The following GPC5 variants were observed in gnomAD, a reference collection of about 807,000 sequenced individuals.
GPC5 encodes the protein glypican 5, also known as glypican-5.
In GPC5, 47 loss-of-function variants were observed where a neutral mutation model predicts 53.9. The ratio of observed to expected loss-of-function variants is 0.87; its 90% CI spans 0.69 to 1.11. GPC5 has a LOEUF of 1.11. Ranked by LOEUF, GPC5 falls within the 50% of genes most tolerant of loss-of-function variation. The pLI is 0.00. For missense variants in GPC5, 748 were observed against 713.1 expected (o/e 1.05, Z -0.56); for synonymous variants, 286 against 263.3 (o/e 1.09, Z -0.84).
At chr13:92,749,071 C>T (rs962213489) in intron 7 of GPC5, among the ~76,000 whole-genome samples, 3 of 152,130 alleles carry the variant, frequency 2.0e-5, no homozygotes, top group Admixed American at 2.0e-4. Context: ...TTTTGGAGTT[C>T]TTGGCCAGAC....
At chr13:91,635,424 T>C (rs1449057030) in intron 2 of GPC5, among the ~76,000 whole-genome samples, 1 of 152,122 alleles carries the variant, frequency 6.6e-6, no homozygotes. Flanking sequence ...AATACCCATG[T>C]ACTACTATGT....
chr13:91,842,388 A>C (rs1220531962), intron 5 of GPC5, among the ~76,000 whole-genome samples: 1 of 149,130 alleles, frequency 6.7e-6, no homozygotes, highest in Non-Finnish European at 1.5e-5. Context: ...AAGGAAACTC[A>C]CAGGGCAAAC....
intron 6 of GPC5, among the ~76,000 whole-genome samples, chr13:91,976,980 A>C (rs1436303455): frequency 6.6e-6 from 1 of 152,046 alleles, no homozygotes. Context: ...TGGAGGTTTC[A>C]GTGAACCAAG....
chr13:92,846,542 C>T (rs1413685916), intron 7 of GPC5, among the ~76,000 whole-genome samples: 1 of 152,124 alleles, frequency 6.6e-6, no homozygotes, highest in Non-Finnish European at 1.5e-5. Flanking sequence ...TGTATTTATG[C>T]ACTACAGAAT....
chr13:91,519,594 T>C (rs991882418), intron 2 of GPC5, among the ~76,000 whole-genome samples: 7 of 152,228 alleles, frequency 4.6e-5, no homozygotes, highest in African/African-American at 7.2e-5. Context: ...TGATTGTAAG[T>C]TCCCTGAGGC....
At chr13:92,539,512 G>C (rs1185154005) in intron 7 of GPC5, among the ~76,000 whole-genome samples, 3 of 151,784 alleles carry the variant, frequency 2.0e-5, no homozygotes, top group African/African-American at 7.3e-5. Context: ...TTTTTGATGG[G>C]GTTGTTTATT....
At chr13:91,713,969 C>G (rs1250946065) in intron 3 of GPC5, among the ~76,000 whole-genome samples, 1 of 152,156 alleles carries the variant, frequency 6.6e-6, no homozygotes, top group Non-Finnish European at 1.5e-5. Flanking sequence ...ACTGCCCTAT[C>G]CCATCCCATT....
At chr13:92,096,789 G>A (rs145722836) in intron 6 of GPC5, among the ~76,000 whole-genome samples, 3 of 152,256 alleles carry the variant, frequency 2.0e-5, no homozygotes, top group African/African-American at 4.8e-5. Context: ...GGTATACAGT[G>A]GCATTTAAAA....
At chr13:92,420,853 T>C (rs1876526381) in intron 7 of GPC5, among the ~76,000 whole-genome samples, 1 of 152,210 alleles carries the variant, frequency 6.6e-6, no homozygotes, top group Admixed American at 6.5e-5. Context: ...TAGCACTCCA[T>C]TGTATATATG....
chr13:92,586,638 C>T (rs1566306312), intron 7 of GPC5, among the ~76,000 whole-genome samples: 1 of 152,164 alleles, frequency 6.6e-6, no homozygotes, highest in African/African-American at 2.4e-5. Flanking sequence ...TTAAGCTTCA[C>T]ATTTATGGGT....
At chr13:92,309,019 TGA>T (rs2043129062) in intron 7 of GPC5, among the ~76,000 whole-genome samples, 1 of 152,070 alleles carries the variant, frequency 6.6e-6, no homozygotes, top group Non-Finnish European at 1.5e-5. Flanking sequence ...ATGTAAATAT[TGA>T]GCACATTCAT....
chr13:92,281,678 C>T (rs993848008), intron 7 of GPC5, among the ~76,000 whole-genome samples: 11 of 152,226 alleles, frequency 7.2e-5, no homozygotes, highest in African/African-American at 2.2e-4. Context: ...AGACCTGCAG[C>T]TGAGGGTCCT....
chr13:92,335,518 T>A (rs2043316109), intron 7 of GPC5, among the ~76,000 whole-genome samples: 1 of 152,146 alleles, frequency 6.6e-6, no homozygotes, highest in South Asian at 2.1e-4. Context: ...TGCTCCTCAT[T>A]ACCTATGCAA....
chr13:91,673,866 T>A (rs1361381160), intron 2 of GPC5, among the ~76,000 whole-genome samples: 1 of 152,198 alleles, frequency 6.6e-6, no homozygotes, highest in Non-Finnish European at 1.5e-5. Context: ...TCCTCTTCTT[T>A]TACTCTCGTG....
chr13:92,174,773 T>C (rs1389245604), intron 7 of GPC5, among the ~76,000 whole-genome samples: 2 of 152,128 alleles, frequency 1.3e-5, no homozygotes, highest in Non-Finnish European at 2.9e-5. Context: ...AATAGCGATG[T>C]CATAGAATTT....
chr13:91,480,669 A>G (rs1883250781), intron 2 of GPC5, among the ~76,000 whole-genome samples: 1 of 152,236 alleles, frequency 6.6e-6, no homozygotes, highest in Non-Finnish European at 1.5e-5. Flanking sequence ...ATATTTAAGA[A>G]TTGAGAACTA....
chr13:92,269,564 C>G (rs577173702), intron 7 of GPC5, among the ~76,000 whole-genome samples: 1 of 152,102 alleles, frequency 6.6e-6, no homozygotes, highest in African/African-American at 2.4e-5. Flanking sequence ...TGCCACCATG[C>G]CCGGCTAAGT....
At chr13:92,408,251 C>A (rs899415173) in intron 7 of GPC5, among the ~76,000 whole-genome samples, 2 of 152,186 alleles carry the variant, frequency 1.3e-5, no homozygotes, top group Admixed American at 6.5e-5. Context: ...CCCAGATGTC[C>A]AAGCCAAGTG....
At chr13:92,710,079 G>C (rs1421790139) in intron 7 of GPC5, among the ~76,000 whole-genome samples, 2 of 152,136 alleles carry the variant, frequency 1.3e-5, no homozygotes, top group Non-Finnish European at 2.9e-5. Context: ...AGAGAAATAA[G>C]TTTCTAGCCT....
Sources: gnomAD v4.1 joint callset for allele counts (sites outside exome capture counted in the v4.1 genomes callset) on GRCh38, gnomAD v4.1.1 for gene constraint, MANE v1.5 for transcripts, NCBI Gene and HGNC (gene_info 2026-07-23, HGNC 2026-07-21) for gene names.